Variants in PDE6A observed in about 807,000 individuals in gnomAD.
The protein encoded by PDE6A is phosphodiesterase 6A, also known as rod cGMP-specific 3',5'-cyclic phosphodiesterase subunit alpha.
In PDE6A, 84 loss-of-function variants were observed where a neutral mutation model predicts 106.3. The ratio of observed to expected loss-of-function variants is 0.79; its 90% CI spans 0.66 to 0.95. The LOEUF is 0.95. Among genes scored for constraint, PDE6A ranks in the 40% least tolerant of loss-of-function variants. The pLI, the probability that PDE6A is intolerant of heterozygous loss-of-function variation, is 0.00. For synonymous variants in PDE6A, 394 were observed against 386.6 expected, an observed-to-expected ratio of 1.02 and a Z score of -0.23; for missense variants, 1,052 against 1,084.9, an observed-to-expected ratio of 0.97 and a Z score of 0.43.
At position 149,863,029 on chromosome 5, in the gene PDE6A, AC is replaced by A; in HGVS notation, c.2506+89del. 1 of 1,513,400 alleles carries A rather than the reference AC, an allele frequency of 6.6e-7. No homozygotes were observed. The highest frequency in any genetic ancestry group is 1.4e-5 in the African/African-American group (1 of 72,930). 93.7% of individuals were successfully genotyped at this position (1,513,400 alleles called of 1,614,324 possible). On this transcript the variant is annotated intron_variant, in intron 21 of 21. Transcript: ENST00000255266. The surrounding 1 kb of genome is among the most constrained non-coding windows in gnomAD (Gnocchi z 4.7). ...TTGGCCATCAGGAGGCCTGAATGAG[AC>A]TCCGTGTAAGAGTCTCTGAGGCAGG...
rs555691295 is a variant in PDE6A at position 149,916,073 on chromosome 5, C to T, written c.934-1066G>A. Among the ~76,000 whole-genome samples the T allele has an allele frequency of 2.6e-5, 4 of 152,274 alleles. No individual in the cohort carries two copies. In the South Asian group the frequency reaches 6.2e-4, roughly 24 times the overall value. On this transcript the variant is annotated intron_variant, in intron 5 of 21. Coordinates refer to ENST00000255266, the MANE Select transcript of PDE6A (RefSeq NM_000440.3). ...CTGTAGCCTCGAATTCCTGGGCTCA[C>T]GTGATCCTCCTGCCTTGGCTTCCCA...
chr5:149,894,200 G>T (rs1197293568), intron 13 of PDE6A, among the ~76,000 whole-genome samples: 1 of 152,176 alleles, frequency 6.6e-6, no homozygotes, highest in African/African-American at 2.4e-5. Flanking sequence ...CCTCCTTTTT[G>T]TCCTTGTTGG....
intron 8 of PDE6A, among the ~76,000 whole-genome samples, chr5:149,900,278 C>T (rs1444812261): frequency 6.6e-6 from 1 of 150,882 alleles, no homozygotes; most frequent in Non-Finnish European, 1.5e-5. Flanking sequence ...GGGAGAATCG[C>T]TTGAACCCAG....
intron 4 of PDE6A, among the ~76,000 whole-genome samples, chr5:149,926,870 TG>T (rs962371540): frequency 1.3e-5 from 2 of 150,220 alleles, no homozygotes; most frequent in Non-Finnish European, 3.0e-5. Flanking sequence ...CCCAGCTACT[TG>T]GGAGGCTGAG....
chr5:149,927,697 C>A (rs1753901387), intron 4 of PDE6A, among the ~76,000 whole-genome samples: 1 of 151,836 alleles, frequency 6.6e-6, no homozygotes, highest in Non-Finnish European at 1.5e-5. Flanking sequence ...TACAGCTGTA[C>A]AAAAATATTT....
At chr5:149,903,529 A>G in intron 8 of PDE6A, 119 bp downstream of exon 8, 1 of 801,202 alleles carries the variant, frequency 1.2e-6, no homozygotes. Context: ...TTATCCTGTC[A>G]TATTTTCACT....
At chr5:149,875,360 T>C (rs1419862780) in intron 17 of PDE6A, among the ~76,000 whole-genome samples, 1 of 152,196 alleles carries the variant, frequency 6.6e-6, no homozygotes, top group Non-Finnish European at 1.5e-5. Flanking sequence ...ATATTTTTCG[T>C]TAAATCCCTA....
In PDE6A at chr5:149,863,298, G is replaced by C; in HGVS notation, c.2359-32C>G. 1 of 1,613,204 alleles carries C rather than the reference G, an allele frequency of 6.2e-7. No individual in the cohort carries two copies. The highest frequency in any genetic ancestry group is 8.5e-7 in the Non-Finnish European group (1 of 1,179,282). ...GAGAGAGTATGTGCCTCTGGTGCAA[G>C]GGCCAGGCCACAGGGTCTGGGCTCA... On this transcript the variant is annotated intron_variant, in intron 20 of 21. Coordinates refer to ENST00000255266, the MANE Select transcript of PDE6A (RefSeq NM_000440.3). The surrounding 1 kb of genome is among the most constrained non-coding windows in gnomAD (Gnocchi z 4.7).
At position 149,944,572 on chromosome 5, in the gene PDE6A, G is replaced by A. The variant is rs140009042; in HGVS notation, c.102C>T (p.Ser34=). ...CAGCCTCCTTGGCCCCAAGGAGGTC[G>A]GAGATGAGCTTGGCCCGGTAGTGGA... The part of the protein sequence containing the change: ...YNLHYRAKLI[S]DLLGAKEAAV... Residue 34 remains serine (S), a synonymous_variant, in exon 1 of 22, where the codon TCC becomes TCT. Transcript: ENST00000255266. 3.5e-4 allele frequency: 563 copies of A among 1,614,072 alleles called. 3 individuals are homozygous for A. The African/African-American group carries it at 6.0e-3, about 17-fold the overall frequency.
chr5:149,857,990 G>C lies in PDE6A; in HGVS notation c.*2905C>G, dbSNP rs1393162885. On this transcript the variant is annotated 3_prime_UTR_variant, in exon 22 of 22. Coordinates refer to ENST00000255266, the MANE Select transcript of PDE6A (RefSeq NM_000440.3). ...TGTCCATTTATTAGAATGAGACAGA[G>C]GAATGTGTTACATGCGGCCACAAAG... 1 of 152,206 alleles carries C rather than the reference G, an allele frequency of 6.6e-6. No homozygotes were observed. Among genetic ancestry groups the C allele is most frequent in the African/African-American group, 2.4e-5 (1 of 41,448 alleles). The allele number at this position is 152,206 out of a possible 1,614,324, so 9.4% of individuals were successfully genotyped here.
At chr5:149,883,340 G>T in intron 17 of PDE6A, 89 bp downstream of exon 17, 1 of 862,992 alleles carries the variant, frequency 1.2e-6, no homozygotes, top group Non-Finnish European at 2.0e-6. Context: ...TAGTCCCAAG[G>T]CTTGTTGAGG....
intron 20 of PDE6A, among the ~76,000 whole-genome samples, chr5:149,864,495 G>A (rs1760255995): frequency 6.6e-6 from 1 of 152,070 alleles, no homozygotes. Flanking sequence ...ACCTGCCTTG[G>A]CCTCCCAAAG....
At position 149,899,542 on chromosome 5, in the gene PDE6A, G is replaced by A. The variant is rs754220779; in HGVS notation, c.1114-18C>T. Reference sequence around the variant, plus strand: ...GGTTCTTTCTACAAGAGAAGGGCTAGATTAGGTTTCCTCTTGTTTCAGGCC... The same window carrying A: ...GGTTCTTTCTACAAGAGAAGGGCTAAATTAGGTTTCCTCTTGTTTCAGGCC... On this transcript the variant is annotated intron_variant, in intron 8 of 21. Coordinates refer to ENST00000255266, the MANE Select transcript of PDE6A (RefSeq NM_000440.3). 6.2e-7 allele frequency: 1 copy of A among 1,613,398 alleles called. No homozygotes were observed. The highest frequency in any genetic ancestry group is 8.5e-7 in the Non-Finnish European group (1 of 1,179,416).
At chr5:149,925,518 C>T (rs1561775541) in intron 4 of PDE6A, among the ~76,000 whole-genome samples, 1 of 151,910 alleles carries the variant, frequency 6.6e-6, no homozygotes, top group African/African-American at 2.4e-5. Context: ...ACCAGCCTGG[C>T]CAATATGACG....
intron 3 of PDE6A, among the ~76,000 whole-genome samples, chr5:149,931,647 T>C (rs922874877): frequency 3.9e-5 from 6 of 152,228 alleles, no homozygotes; most frequent in Admixed American, 2.0e-4. Flanking sequence ...GAAGTGTTGA[T>C]GGAAAAATGT....
At chr5:149,936,175 A>AAGGAAGGAAGGG (rs2113663576) in intron 1 of PDE6A, among the ~76,000 whole-genome samples, 1 of 151,294 alleles carries the variant, frequency 6.6e-6, no homozygotes, top group South Asian at 2.1e-4. Context: ...GGAAGGAAGG[A>AAGGAAGGAAGGG]AGGAAGGAAG....
Position 149,884,802 on chromosome 5 carries a change from CCAAACT to C in PDE6A, c.1898_1903del (p.Glu633_Phe634del). 2 of 1,614,128 alleles carry C rather than the reference CCAAACT, an allele frequency of 1.2e-6. No individual in the cohort carries two copies. ...TACCTCGTCTCTGAGCAGTGTTTTG[CCAAACT>C]CCAAGTGGTGTCTTTCCAAGATAGA... On this transcript the variant is annotated inframe_deletion, in exon 15 of 22. Transcript: ENST00000255266.
At chr5:149,895,119 G>A (rs919200122) in intron 13 of PDE6A, 64 bp downstream of exon 13, 19 of 913,792 alleles carry the variant, frequency 2.1e-5, no homozygotes, top group Non-Finnish European at 3.3e-5. Context: ...ACCATGTAGA[G>A]TCTGCATGAG....
chr5:149,876,934 C>CATAG (rs1183122335), intron 17 of PDE6A, among the ~76,000 whole-genome samples: 361 of 142,094 alleles, frequency 2.5e-3, no homozygotes, highest in African/African-American at 0.01. Context: ...TAGATAGATA[C>CATAG]ATAGATAGAT....
Sources: allele counts gnomAD v4.1 joint callset (sites outside exome capture counted in the v4.1 genomes callset), GRCh38; gene constraint gnomAD v4.1.1; non-coding constraint Gnocchi (gnomAD v3.1); transcripts MANE v1.5; gene names NCBI Gene and HGNC (gene_info 2026-07-23, HGNC 2026-07-21).